Variants in CUEDC1 observed in about 807,000 individuals in gnomAD.
CUEDC1 encodes the protein CUE domain-containing protein 1.
Under a neutral mutation model 43.7 loss-of-function variants are expected in CUEDC1, and 30 were observed. That is an observed-to-expected ratio of 0.69 (90% CI 0.51 to 0.93). CUEDC1 has a LOEUF of 0.93. Among genes scored for constraint, CUEDC1 ranks in the 40% least tolerant of loss-of-function variants. The pLI, the probability that CUEDC1 is intolerant of heterozygous loss-of-function variation, is 0.00. For synonymous variants in CUEDC1, 223 were observed against 223.6 expected (o/e 1.00, Z 0.02); for missense variants, 486 against 549.0 (o/e 0.89, Z 1.15).
intron 1 of CUEDC1, among the ~76,000 whole-genome samples, chr17:57,917,739 C>T (rs964448374): frequency 1.3e-5 from 2 of 152,212 alleles, no homozygotes; most frequent in Admixed American, 6.5e-5. Context: ...CTGTGAACAG[C>T]AGGCTCAACA....
rs1294192429 is a variant in CUEDC1 at position 57,866,170 on chromosome 17, G to GCC, written c.*3+303_*3+304insGG. 9.2e-5 allele frequency among the ~76,000 whole-genome samples: 14 copies of GCC among 152,302 alleles called. No individual in the cohort carries two copies. In the South Asian group the frequency reaches 2.9e-3, roughly 32 times the overall value. On this transcript the variant is annotated intron_variant, in intron 10 of 10. Transcript: ENST00000577830. ...CAGTGTGCTACGTGTGTCCTGGACT[G>GCC]TCTTCTCAACTGGACTGTAAACTCT...
At chr17:57,908,853 TG>T (rs1439146161) in intron 1 of CUEDC1, among the ~76,000 whole-genome samples, 1 of 152,018 alleles carries the variant, frequency 6.6e-6, no homozygotes, top group Non-Finnish European at 1.5e-5. Context: ...AAAAATCAAC[TG>T]GGTGTGGTGG....
intron 1 of CUEDC1, among the ~76,000 whole-genome samples, chr17:57,923,397 G>A (rs1027812996): frequency 1.2e-4 from 19 of 152,216 alleles, no homozygotes; most frequent in Non-Finnish European, 2.8e-4. Flanking sequence ...TCTACCAAGA[G>A]CTGCAGACAA....
chr17:57,933,348 C>G (rs1313725327), intron 1 of CUEDC1, among the ~76,000 whole-genome samples: 2 of 152,224 alleles, frequency 1.3e-5, no homozygotes, highest in East Asian at 3.8e-4. Context: ...TAGACCAAAT[C>G]TCTCCAGAAG....
In CUEDC1 at chr17:57,918,490, G is replaced by C. The variant is rs941968473; in HGVS notation, c.-315-32611C>G. 5.3e-5 allele frequency among the ~76,000 whole-genome samples: 8 copies of C among 152,232 alleles called. No homozygotes were observed. In the South Asian group the frequency reaches 1.7e-3, roughly 31 times the overall value. Reference sequence around the variant, plus strand: ...ATGGGAGGAGTTCCAGCAGGACAAAGAACTTCCTTAAGATGTTGAGAAGGG... The same window carrying C: ...ATGGGAGGAGTTCCAGCAGGACAAACAACTTCCTTAAGATGTTGAGAAGGG... On this transcript the variant is annotated intron_variant, in intron 1 of 10. Transcript: ENST00000577830.
intron 9 of CUEDC1, 65 bp downstream of exon 9, chr17:57,867,291 AG>A: frequency 6.8e-7 from 1 of 1,479,552 alleles, no homozygotes; most frequent in South Asian, 1.2e-5. Flanking sequence ...TGAAACACCC[AG>A]GAACTCCGCT....
chr17:57,912,859 G>A (rs1174370731), intron 1 of CUEDC1, among the ~76,000 whole-genome samples: 1 of 152,010 alleles, frequency 6.6e-6, no homozygotes, highest in Non-Finnish European at 1.5e-5. Flanking sequence ...TTTTTTCAGA[G>A]ACAGGGTCTC....
chr17:57,953,398 T>A (rs2075026062), intron 1 of CUEDC1, among the ~76,000 whole-genome samples: 1 of 152,154 alleles, frequency 6.6e-6, no homozygotes, highest in East Asian at 1.9e-4. Context: ...ACTCCAGGTC[T>A]CCATGGCCAC....
chr17:57,868,053 C>T, intron 8 of CUEDC1, 97 bp downstream of exon 8: 1 of 1,049,462 alleles, frequency 9.5e-7, no homozygotes, highest in Non-Finnish European at 1.5e-6. Context: ...GGGTTCCACT[C>T]CCAGGGGAGG....
At position 57,945,289 on chromosome 17, in the gene CUEDC1, C is replaced by T. The variant is rs552188438; in HGVS notation, c.-316+9936G>A. Among the ~76,000 whole-genome samples, 9 of 152,248 alleles carry T rather than the reference C, an allele frequency of 5.9e-5. No homozygotes were observed. In the South Asian group the frequency reaches 1.9e-3, roughly 32 times the overall value. On this transcript the variant is annotated intron_variant, in intron 1 of 10. Coordinates refer to ENST00000577830, the MANE Select transcript of CUEDC1 (RefSeq NM_001271875.2). ...CTTCAATGAAAACATCTAAAAACAC[C>T]CCAATCTTCCAGCAGAGGCAACCAA... is the stretch of plus-strand genomic sequence containing the variant.
At chr17:57,941,049 G>A (rs1365687702) in intron 1 of CUEDC1, among the ~76,000 whole-genome samples, 4 of 152,208 alleles carry the variant, frequency 2.6e-5, no homozygotes, top group Admixed American at 6.5e-5. Flanking sequence ...CCTGCCAGCC[G>A]TGTGGCTGTA....
chr17:57,871,363 A>G lies in CUEDC1; in HGVS notation c.791T>C (p.Leu264Ser). The change falls in exon 6 of 11, where the codon TTG becomes TCG. Residue 264 changes from leucine (L) to serine (S), a missense_variant. Coordinates refer to ENST00000577830, the MANE Select transcript of CUEDC1 (RefSeq NM_001271875.2). ...DFLLALERDR[L>S]KYESQKSKSS... ...TTTAGATTTCTGGGATTCGTATTTC[A>G]ATCGATCTGGAAAAGGACCACATTC... 1 of 1,613,700 alleles carries G rather than the reference A, an allele frequency of 6.2e-7. No homozygotes were observed. Among genetic ancestry groups the G allele is most frequent in the East Asian group, 2.2e-5 (1 of 44,882 alleles).
chr17:57,945,104 C>T (rs148535227), intron 1 of CUEDC1, among the ~76,000 whole-genome samples: 134 of 152,310 alleles, frequency 8.8e-4, no homozygotes, highest in African/African-American at 3.1e-3. Context: ...GCCTAAGACA[C>T]ATGGACTTCT....
In CUEDC1 at chr17:57,885,801, A is replaced by C; in HGVS notation, c.-237T>G. On this transcript the variant is annotated 5_prime_UTR_variant, in exon 2 of 11. Transcript: ENST00000577830. ...TCCTCGCGGGGCGGTGGCATGCGGG[A>C]CCGGGCCGTGCTGGGGCTGGGCGGC... 2.3e-6 allele frequency: 1 copy of C among 439,920 alleles called. No homozygotes were observed. Among genetic ancestry groups the C allele is most frequent in the Non-Finnish European group, 3.6e-6 (1 of 275,530 alleles). The allele number at this position is 439,920 out of a possible 1,614,324, so 27.3% of individuals were successfully genotyped here. A position where few individuals can be genotyped will look rare whatever the true frequency, so the allele number is the denominator to read the frequency against.
chr17:57,909,121 A>C (rs2074558508), intron 1 of CUEDC1, among the ~76,000 whole-genome samples: 2 of 152,190 alleles, frequency 1.3e-5, no homozygotes, highest in Non-Finnish European at 2.9e-5. Flanking sequence ...TTTTAATTAA[A>C]ATTAAATAAA....
chr17:57,871,275 G>C lies in CUEDC1; in HGVS notation c.868+11C>G. The C allele has an allele frequency of 6.2e-7, 1 of 1,609,536 alleles. No individual in the cohort carries two copies. Among genetic ancestry groups the C allele is most frequent in the Non-Finnish European group, 8.5e-7 (1 of 1,175,794 alleles). ...TGCCTCTAGGTTTTCTTCCCCAGAAGGCAAAGTTACCTGGGACAGGAGAGG... is the reference window on the plus strand; with the variant it reads ...TGCCTCTAGGTTTTCTTCCCCAGAACGCAAAGTTACCTGGGACAGGAGAGG... On this transcript the variant is annotated intron_variant, in intron 6 of 10. Coordinates refer to ENST00000577830, the MANE Select transcript of CUEDC1 (RefSeq NM_001271875.2).
At chr17:57,935,406 A>ACACACACAC (rs2074851488) in intron 1 of CUEDC1, among the ~76,000 whole-genome samples, 5 of 77,012 alleles carry the variant, frequency 6.5e-5, no homozygotes, top group Non-Finnish European at 1.3e-4. Context: ...CACACACACA[A>ACACACACAC]ACACACACAC....
chr17:57,878,532 C>T (rs1339943611), intron 3 of CUEDC1, among the ~76,000 whole-genome samples: 1 of 152,094 alleles, frequency 6.6e-6, no homozygotes, highest in Non-Finnish European at 1.5e-5. Flanking sequence ...TTCTAAGAAA[C>T]AGCAGCTCTA....
At chr17:57,897,612 G>A (rs932571977) in intron 1 of CUEDC1, among the ~76,000 whole-genome samples, 3 of 149,674 alleles carry the variant, frequency 2.0e-5, no homozygotes, top group African/African-American at 7.4e-5. Context: ...GGAGCTTGCA[G>A]TGAGCCAAGA....
Sources: allele counts gnomAD v4.1 joint callset (sites outside exome capture counted in the v4.1 genomes callset), GRCh38; gene constraint gnomAD v4.1.1; transcripts MANE v1.5; gene names NCBI Gene and HGNC (gene_info 2026-07-23, HGNC 2026-07-21).